The following TSBP1 variants were observed in gnomAD, a reference collection of about 807,000 sequenced individuals.
TSBP1 encodes the protein testis expressed basic protein 1.
Under a neutral mutation model 68.8 loss-of-function variants are expected in TSBP1, and 56 were observed. That is an observed-to-expected ratio of 0.81 (90% confidence interval 0.66 to 1.02). The LOEUF (loss-of-function observed/expected upper bound fraction) is 1.02. TSBP1 is among the 50% of genes least tolerant of loss of function. The pLI is 0.00. For missense variants in TSBP1, 502 were observed against 641.2 expected, an observed-to-expected ratio of 0.78 and a Z score of 2.34; for synonymous variants, 171 against 208.7, an observed-to-expected ratio of 0.82 and a Z score of 1.56.
In TSBP1 at chr6:32,369,888, A is replaced by G. The variant is rs775637897; in HGVS notation, c.100+9T>C. 3 of 1,543,604 alleles carry G rather than the reference A, an allele frequency of 1.9e-6. No individual in the cohort carries two copies. ...CAGGAAATCTTCATTTTGACTCATT[A>G]TTACTCACCACTTTGCTTACATCGT... On this transcript the variant is annotated intron_variant, in intron 2 of 22. Coordinates refer to ENST00000612031, the Ensembl canonical transcript of TSBP1.
intron 6 of TSBP1, among the ~76,000 whole-genome samples, chr6:32,360,883 CT>C (rs35899943): frequency 0.03 from 4,478 of 150,398 alleles, 194 homozygotes; most frequent in East Asian, 0.22. Flanking sequence ...TTCTCTCTCT[CT>C]TTTTTTTTAT....
chr6:32,322,439 A>T (rs1267660629), intron 18 of TSBP1, 47 bp downstream of exon 20: 1 of 1,437,452 alleles, frequency 7.0e-7, no homozygotes, highest in African/African-American at 1.4e-5. Context: ...AACAACTAAG[A>T]TAAGAAAAGT....
At chr6:32,298,868 GAGTCATATATTA>G (rs1458918494) in intron 22 of TSBP1, among the ~76,000 whole-genome samples, 4 of 152,188 alleles carry the variant, frequency 2.6e-5, no homozygotes, top group African/African-American at 9.7e-5. Context: ...TTGAAGAGCT[GAGTCATATATTA>G]AGTAATCCCA....
rs6910275 is a variant in TSBP1, at chr6:32,315,337, C to T, written c.580+435G>A. Among the ~76,000 whole-genome samples, 4 of 151,978 alleles carry T rather than the reference C, an allele frequency of 2.6e-5. No homozygotes were observed. Among genetic ancestry groups the T allele is most frequent in the African/African-American group, 7.2e-5 (3 of 41,462 alleles). On this transcript the variant is annotated intron_variant, in intron 19 of 22. Transcript: ENST00000612031. The surrounding 1 kb of genome is among the most constrained non-coding windows in gnomAD (Gnocchi z 5.4). ...CAGCACTTTGGGAGGCCAACGCGGG[C>T]GGATCACTTGAGGTCAGGAGTTCAA...
At chr6:32,301,441 C>T (rs9268156) in intron 20 of TSBP1, among the ~76,000 whole-genome samples, 2 of 151,730 alleles carry the variant, frequency 1.3e-5, no homozygotes, top group East Asian at 1.9e-4. Context: ...AGGCTGGCGC[C>T]GTGGCTCATG....
intron 9 of TSBP1, among the ~76,000 whole-genome samples, chr6:32,348,307 A>G (rs770874283): frequency 2.6e-5 from 4 of 152,194 alleles, no homozygotes; most frequent in African/African-American, 4.8e-5. Flanking sequence ...TTAGATGCAA[A>G]CAAAGTAAAA....
Position 32,357,979 on chromosome 6 carries a change from C to G in TSBP1, c.218-2310G>C, listed in dbSNP as rs936463567. Among the ~76,000 whole-genome samples, 1 of 152,126 alleles carries G rather than the reference C, an allele frequency of 6.6e-6. No individual in the cohort carries two copies. Among genetic ancestry groups the G allele is most frequent in the African/African-American group, 2.4e-5 (1 of 41,412 alleles). On this transcript the variant is annotated intron_variant, in intron 6 of 22. Coordinates refer to ENST00000612031, the Ensembl canonical transcript of TSBP1. The surrounding 1 kb of genome is among the most constrained non-coding windows in gnomAD (Gnocchi z 4.7). ...TGCATTCACTTGCAGGAAGGAACAC[C>G]TTTTCCTAATATGCACCAAAGCAAC...
At chr6:32,352,831 C>T (rs915840315) in intron 8 of TSBP1, 2 of 151,794 alleles carry the variant, frequency 1.3e-5, no homozygotes, top group African/African-American at 4.8e-5. Flanking sequence ...ATATGAGTTT[C>T]AGCAGCATTT....
chr6:32,336,018 T>A lies in TSBP1; in HGVS notation c.431-86A>T. ...AATTTCCATTTCCCAACACTCGCTCTAGGGAGTATCATAAATAGAAACAAC... is the reference window on the plus strand; with the variant it reads ...AATTTCCATTTCCCAACACTCGCTCAAGGGAGTATCATAAATAGAAACAAC... On this transcript the variant is annotated intron_variant, in intron 12 of 22. Transcript: ENST00000612031. This position sits in a 1 kb window ranked among gnomAD's most constrained non-coding sequence, Gnocchi z 5.2. The A allele has an allele frequency of 9.1e-7, 1 of 1,101,284 alleles. No homozygotes were observed. Among genetic ancestry groups the A allele is most frequent in the Non-Finnish European group, 1.4e-6 (1 of 730,990 alleles). 68.2% of individuals were successfully genotyped at this position (1,101,284 alleles called of 1,614,324 possible).
rs34298056 is a variant in TSBP1 at position 32,357,838 on chromosome 6, AGAGT to A, written c.218-2173_218-2170del. ...TAGGGCTTGGGTTTTAGACATGCTAAGAGTGAGATGCCTTTCATATATCTTCAGG... is the reference window on the plus strand; with the variant it reads ...TAGGGCTTGGGTTTTAGACATGCTAAGAGATGCCTTTCATATATCTTCAGG... On this transcript the variant is annotated intron_variant, in intron 6 of 22. Transcript: ENST00000612031. The surrounding 1 kb of genome is among the most constrained non-coding windows in gnomAD (Gnocchi z 4.7). Among the ~76,000 whole-genome samples, 38,063 of 151,836 alleles carry A rather than the reference AGAGT, an allele frequency of 0.25. 5,262 individuals carry two copies. The highest frequency in any genetic ancestry group is 0.39 in the East Asian group (2,028 of 5,150).
intron 18 of TSBP1, among the ~76,000 whole-genome samples, chr6:32,317,596 T>C (rs1767111627): frequency 6.6e-6 from 1 of 152,106 alleles, no homozygotes; most frequent in African/African-American, 2.4e-5. Flanking sequence ...TGTAAGGAAC[T>C]TAAACAAATT....
rs1252442792 is a variant in TSBP1 at position 32,306,150 on chromosome 6, G to C, written c.581-3521C>G. Among the ~76,000 whole-genome samples, 1 of 152,116 alleles carries C rather than the reference G, an allele frequency of 6.6e-6. No homozygotes were observed. Among genetic ancestry groups the C allele is most frequent in the African/African-American group, 2.4e-5 (1 of 41,420 alleles). ...CTGCATGTAAGTTAGGACAATTTTA[G>C]AACACTAAGATAAAATGCAAAAACA... On this transcript the variant is annotated intron_variant, in intron 19 of 22. Transcript: ENST00000612031. This position sits in a 1 kb window ranked among gnomAD's most constrained non-coding sequence, Gnocchi z 5.1.
At chr6:32,352,614 C>T (rs1019818227) in intron 8 of TSBP1, among the ~76,000 whole-genome samples, 1 of 151,668 alleles carries the variant, frequency 6.6e-6, no homozygotes, top group Non-Finnish European at 1.5e-5. Context: ...TATTAGGAAA[C>T]AGAAAATTTT....
chr6:32,301,284 T>G (rs1179242955), intron 20 of TSBP1, among the ~76,000 whole-genome samples: 1 of 152,200 alleles, frequency 6.6e-6, no homozygotes, highest in Non-Finnish European at 1.5e-5. Context: ...CTGCTTTGGC[T>G]TCTCAAAGTG....
At chr6:32,344,246 T>TCCCCCCC (rs1770704567) in intron 9 of TSBP1, among the ~76,000 whole-genome samples, 1 of 46,996 alleles carries the variant, frequency 2.1e-5, no homozygotes, top group African/African-American at 8.4e-5. Context: ...CCTAATGCTA[T>TCCCCCCC]CCCTCCCCCC....
chr6:32,346,275 A>T lies in TSBP1; in HGVS notation c.349+3465T>A. ...CATGATCCACCCGCCTCGGCCTCCCAAAGTGCTGGGATTACAGGCGTGAGC... is the reference window on the plus strand; with the variant it reads ...CATGATCCACCCGCCTCGGCCTCCCTAAGTGCTGGGATTACAGGCGTGAGC... On this transcript the variant is annotated intron_variant, in intron 9 of 22. Coordinates refer to ENST00000612031, the Ensembl canonical transcript of TSBP1. 1.4e-5 allele frequency among the ~76,000 whole-genome samples: 2 copies of T among 143,848 alleles called. 1 individual carries two copies. 94.4% of individuals were successfully genotyped at this position (143,848 alleles called of 152,430 possible). A position where few individuals can be genotyped will look rare whatever the true frequency, so the allele number is the denominator to read the frequency against.
At chr6:32,298,158 T>C (rs1764899061) in intron 22 of TSBP1, among the ~76,000 whole-genome samples, 2 of 152,180 alleles carry the variant, frequency 1.3e-5, no homozygotes, top group Non-Finnish European at 2.9e-5. Context: ...CACCTTTTTT[T>C]TTTGTAAGAG....
chr6:32,293,429 T>C lies in TSBP1; in HGVS notation c.1244A>G (p.Lys415Arg), dbSNP rs1401049742. The C allele has an allele frequency of 1.9e-6, 3 of 1,612,916 alleles. No individual in the cohort carries two copies. The African/African-American group carries it at 4.0e-5, about 22-fold the overall frequency. ...TCCTTTTGGTACCTTCAACTCACTC[T>C]TCTCTACCTGGGCTTCCTGTCCTTT... Residue 415 changes from lysine to arginine, a missense_variant, in exon 23 of 23, where the codon AAG becomes AGG. Lys to Arg is a conservative substitution (Grantham distance 26, BLOSUM62 2). Transcript: ENST00000612031.
intron 21 of TSBP1, 35 bp downstream of exon 24, chr6:32,300,645 G>GAA: frequency 6.2e-7 from 1 of 1,607,032 alleles, no homozygotes; most frequent in South Asian, 1.1e-5. Context: ...CCTAGGCACA[G>GAA]AAATAGGTAA....
Sources: allele counts gnomAD v4.1 joint callset (sites outside exome capture counted in the v4.1 genomes callset), GRCh38; gene constraint gnomAD v4.1.1; non-coding constraint Gnocchi (gnomAD v3.1); transcripts MANE v1.5; gene names NCBI Gene and HGNC (gene_info 2026-07-23, HGNC 2026-07-21).